RETSAT: variants seen among roughly 807,000 people sequenced by gnomAD.
RETSAT encodes the protein all-trans-retinol 13,14-reductase.
RETSAT carries 35 observed loss-of-function variants against 61.6 expected under a neutral mutation model. That is an observed-to-expected ratio of 0.57 (90% CI 0.43 to 0.75). The LOEUF is 0.75. Ranked by LOEUF, RETSAT falls within the 30% of genes least tolerant of loss-of-function variation. RETSAT has a pLI of 0.00. For missense variants in RETSAT, 670 were observed against 759.5 expected (o/e 0.88, Z 1.38); for synonymous variants, 277 against 310.4 (o/e 0.89, Z 1.13).
chr2:85,343,677 AAGG>A lies in RETSAT; in HGVS notation c.1652_1654del (p.Ser551del), dbSNP rs759233215. 1,117 of 1,608,320 alleles carry A rather than the reference AAGG, an allele frequency of 6.9e-4. 13 individuals carry two copies. In the African/African-American group the frequency reaches 0.012, roughly 18 times the overall value. On this transcript the variant is annotated inframe_deletion, in exon 10 of 11. Coordinates refer to ENST00000295802, the MANE Select transcript of RETSAT (RefSeq NM_017750.4). ...GTTGGGGATGGGGCTCTGGGCCCTCAAGGAGGCCATCACACAAGGGTGCAGGCG... is the reference window on the plus strand; with the variant it reads ...GTTGGGGATGGGGCTCTGGGCCCTCAAGGCCATCACACAAGGGTGCAGGCG...
At chr2:85,344,844 G>C (rs2104433583) in intron 6 of RETSAT, 112 bp from the exon 7 acceptor site, 1 of 1,199,356 alleles carries the variant, frequency 8.3e-7, no homozygotes, top group Non-Finnish European at 1.2e-6. Flanking sequence ...GGCATGCCGG[G>C]CCCCTGGCCA....
chr2:85,344,014 T>A lies in RETSAT; in HGVS notation c.1518A>T (p.Pro506=), dbSNP rs1683138382. The A allele has an allele frequency of 3.1e-6, 5 of 1,613,948 alleles. 1 individual carries two copies. The highest frequency in any genetic ancestry group is 4.2e-6 in the Non-Finnish European group (5 of 1,179,960). ...TACCCCCTACCTTCCCCTCCAGCTG[T>A]GGGAACAGTTTCAGGACCACTGACA... ...ASMSVVLKLF[P]QLEGKVESVT... is the part of the protein sequence containing the mutation. The change falls in exon 9 of 11, where the codon CCA becomes CCT. Residue 506 remains proline, a synonymous_variant. Transcript: ENST00000295802.
intron 4 of RETSAT, 72 bp from the exon 5 acceptor site, chr2:85,349,653 T>C: frequency 7.6e-7 from 1 of 1,313,390 alleles, no homozygotes; most frequent in Admixed American, 1.8e-5. Flanking sequence ...AACGTGGAAT[T>C]CTGTGAGATA....
In RETSAT at chr2:85,344,168, G is replaced by A. The variant is rs1683146070; in HGVS notation, c.1367-3C>T. ...GAGCATGATCATGGTGGACCGGCCT[G>A]GGGATCAGAGCTGATATTACTACTG... On this transcript the variant is annotated splice_polypyrimidine_tract_variant and splice_region_variant and intron_variant, in intron 8 of 10. Transcript: ENST00000295802. 2 of 1,614,002 alleles carry A rather than the reference G, an allele frequency of 1.2e-6. No individual in the cohort carries two copies. Among genetic ancestry groups the A allele is most frequent in the Non-Finnish European group, 1.7e-6 (2 of 1,180,012 alleles).
chr2:85,349,624 C>G (rs1683265889), intron 4 of RETSAT, 43 bp from the exon 5 acceptor site: 1 of 1,524,726 alleles, frequency 6.6e-7, no homozygotes, highest in African/African-American at 1.4e-5. Context: ...AGAGAAGGCA[C>G]CAGCACCATT....
Position 85,351,025 on chromosome 2 carries a change from T to C in RETSAT, c.356-4A>G. Reference sequence around the variant, plus strand: ...ATACGCCCAATGTAATGGATTCCTGTTGGGAGATGGAAAAACAAGGTAGTA... The same window carrying C: ...ATACGCCCAATGTAATGGATTCCTGCTGGGAGATGGAAAAACAAGGTAGTA... On this transcript the variant is annotated splice_polypyrimidine_tract_variant and splice_region_variant and intron_variant, in intron 2 of 10. Coordinates refer to ENST00000295802, the MANE Select transcript of RETSAT (RefSeq NM_017750.4). 6.2e-7 allele frequency: 1 copy of C among 1,613,866 alleles called. No homozygotes were observed.
chr2:85,345,047 G>A (rs1437070940), intron 6 of RETSAT, among the ~76,000 whole-genome samples: 1 of 152,152 alleles, frequency 6.6e-6, no homozygotes, highest in Non-Finnish European at 1.5e-5. Context: ...GGGAGGTCAG[G>A]GTCACAGAGA....
chr2:85,352,083 G>C (rs1319794535), intron 1 of RETSAT, among the ~76,000 whole-genome samples: 1 of 152,154 alleles, frequency 6.6e-6, no homozygotes, highest in African/African-American at 2.4e-5. Context: ...TTGAGACAAG[G>C]TCTCACTATG....
chr2:85,352,883 GA>G (rs2104441001), intron 1 of RETSAT, among the ~76,000 whole-genome samples: 1 of 152,322 alleles, frequency 6.6e-6, no homozygotes, highest in East Asian at 1.9e-4. Context: ...CACCTTCTCA[GA>G]AGACAAAACT....
At chr2:85,350,309 A>G in intron 3 of RETSAT, 68 bp from the exon 4 acceptor site, 2 of 1,140,444 alleles carry the variant, frequency 1.8e-6, no homozygotes, top group Non-Finnish European at 2.6e-6. Context: ...CTATCCCCAT[A>G]GCCTGGACCA....
intron 6 of RETSAT, 98 bp from the exon 7 acceptor site, chr2:85,344,830 CT>C: frequency 1.4e-6 from 2 of 1,390,482 alleles, no homozygotes; most frequent in South Asian, 1.4e-5. Context: ...TGGCACCTGC[CT>C]GAGGCATGCC....
Position 85,343,188 on chromosome 2 carries a change from C to T in RETSAT, c.*54G>A, listed in dbSNP as rs1573060352. ...ATGCAGAAAGACATTATGGGTAAGT[C>T]AAGGGAGATGCCCCAGCCATTGGGC... is the stretch of plus-strand genomic sequence containing the variant. On this transcript the variant is annotated 3_prime_UTR_variant, in exon 11 of 11. Coordinates refer to ENST00000295802, the MANE Select transcript of RETSAT (RefSeq NM_017750.4). The T allele has an allele frequency of 6.2e-7, 1 of 1,603,668 alleles. No individual in the cohort carries two copies. The highest frequency in any genetic ancestry group is 8.5e-7 in the Non-Finnish European group (1 of 1,173,122).
At chr2:85,350,727 G>A in intron 3 of RETSAT, 53 bp downstream of exon 3, 1 of 1,607,624 alleles carries the variant, frequency 6.2e-7, no homozygotes, top group Non-Finnish European at 8.5e-7. Context: ...TAATAATAAA[G>A]AAACCCAGCC....
In RETSAT at chr2:85,352,269, A is replaced by G. The variant is rs1465793875; in HGVS notation, c.173-407T>C. ...TGTGTTTAATTATTTTTTAAGACGG[A>G]GTCTCACTCTGTCACCCAGGCTGGA... On this transcript the variant is annotated intron_variant, in intron 1 of 10. Coordinates refer to ENST00000295802, the MANE Select transcript of RETSAT (RefSeq NM_017750.4). Among the ~76,000 whole-genome samples the G allele has an allele frequency of 2.6e-5, 4 of 151,774 alleles. No individual in the cohort carries two copies. The East Asian group carries it at 7.8e-4, about 29-fold the overall frequency.
chr2:85,352,561 T>C (rs1182560453), intron 1 of RETSAT, among the ~76,000 whole-genome samples: 1 of 152,024 alleles, frequency 6.6e-6, no homozygotes, highest in Non-Finnish European at 1.5e-5. Context: ...ATTTTATGTT[T>C]TATAGAGCCA....
chr2:85,353,553 G>A (rs908421500), intron 1 of RETSAT, among the ~76,000 whole-genome samples: 3 of 152,212 alleles, frequency 2.0e-5, no homozygotes, highest in Admixed American at 6.5e-5. Flanking sequence ...ACCAGCCCAG[G>A]TAGGTGCTAA....
chr2:85,350,707 G>C, intron 3 of RETSAT, 73 bp downstream of exon 3: 1 of 1,575,008 alleles, frequency 6.3e-7, no homozygotes, highest in South Asian at 1.1e-5. Context: ...TCCACCCCCA[G>C]TGCCTCCACT....
rs202177247 is a variant in RETSAT at position 85,344,705 on chromosome 2, C to G, written c.1145G>C (p.Arg382Pro). The change falls in exon 7 of 11, where the codon CGG becomes CCG. Residue 382 changes from arginine to proline, a missense_variant. Physicochemically the swap from Arg to Pro is moderately radical, Grantham distance 103. Coordinates refer to ENST00000295802, the MANE Select transcript of RETSAT (RefSeq NM_017750.4). ...PGVKQQLGTVRPGLGMTSVFI... is the reference protein window; with the variant it reads ...PGVKQQLGTVPPGLGMTSVFI... Reference sequence around the variant, plus strand: ...AACAGAGGTCATGCCTAAGCCGGGCCGCACCGTCCCCAGTTGCTGCTTCAC... The same window carrying G: ...AACAGAGGTCATGCCTAAGCCGGGCGGCACCGTCCCCAGTTGCTGCTTCAC... The G allele has an allele frequency of 6.2e-7, 1 of 1,614,088 alleles. No homozygotes were observed. Among genetic ancestry groups the G allele is most frequent in the African/African-American group, 1.3e-5 (1 of 75,036 alleles).
In RETSAT at chr2:85,343,306, C is replaced by T. The variant is rs768803379; in HGVS notation, c.1769G>A (p.Arg590Gln). Reference protein sequence around the residue: ...ALLCSSAILKRNLYSDLKNLD... With the variant: ...ALLCSSAILKQNLYSDLKNLD... ...ATTCTTAAGGTCTGAGTACAAGTTC[C>T]GCTTCAGGATGGCGCTGCTGCACAG... The change falls in exon 11 of 11, where the codon CGG becomes CAG. Residue 590 changes from arginine to glutamine, a missense_variant. Arg to Gln is a conservative substitution (Grantham distance 43). Transcript: ENST00000295802. 92 of 1,614,284 alleles carry T rather than the reference C, an allele frequency of 5.7e-5. No homozygotes were observed. Among genetic ancestry groups the T allele is most frequent in the African/African-American group, 8.0e-5 (6 of 75,080 alleles).
Sources: gnomAD v4.1 joint callset for allele counts (sites outside exome capture counted in the v4.1 genomes callset) on GRCh38, gnomAD v4.1.1 for gene constraint, MANE v1.5 for transcripts, NCBI Gene and HGNC (gene_info 2026-07-23, HGNC 2026-07-21) for gene names.